Variants in RAPGEF6 observed in about 807,000 individuals in gnomAD.
RAPGEF6 encodes PDZ domain containing guanine nucleotide exchange factor (GEF) 2.
RAPGEF6 carries 56 observed loss-of-function variants against 171.4 expected under a neutral mutation model. The observed-to-expected ratio is 0.33, with a 90% CI of 0.26 to 0.41. The LOEUF (loss-of-function observed/expected upper bound fraction) is 0.41. Among genes scored for constraint, RAPGEF6 ranks in the 10% least tolerant of loss-of-function variants. The pLI, the probability that RAPGEF6 is intolerant of heterozygous loss-of-function variation, is 1.00. For missense variants in RAPGEF6, 1,674 were observed against 1,921.4 expected (o/e 0.87, Z 2.41); for synonymous variants, 692 against 650.1 (o/e 1.06, Z -0.98).
intron 3 of RAPGEF6, among the ~76,000 whole-genome samples, chr5:131,593,998 G>A (rs1230681728): frequency 2.0e-5 from 3 of 151,938 alleles, no homozygotes; most frequent in Non-Finnish European, 4.4e-5. Flanking sequence ...TGCACAAAAG[G>A]AGCCAAATGT....
intron 1 of RAPGEF6, among the ~76,000 whole-genome samples, chr5:131,608,488 G>C (rs2150020885): frequency 6.6e-6 from 1 of 152,220 alleles, no homozygotes; most frequent in East Asian, 1.9e-4. Context: ...AAGAGAAAAG[G>C]AAAAATCTCC....
intron 6 of RAPGEF6, among the ~76,000 whole-genome samples, chr5:131,527,706 GC>G (rs1184817577): frequency 6.6e-6 from 1 of 152,040 alleles, no homozygotes; most frequent in East Asian, 1.9e-4. Flanking sequence ...TTAAAAGTAA[GC>G]CACCAGAATT....
Position 131,498,484 on chromosome 5 carries a change from T to G in RAPGEF6, c.1378A>C (p.Lys460Gln). The G allele has an allele frequency of 3.7e-6, 6 of 1,613,796 alleles. No homozygotes were observed. The highest frequency in any genetic ancestry group is 5.1e-6 in the Non-Finnish European group (6 of 1,179,910). ...FLESPLDVGI[K>Q]LLEWFKIDSL... Reference sequence around the variant, plus strand: ...TCGATCTTAAACCATTCCAATAGTTTGATCCCAACATCCAAAGGACTTTCA... The same window carrying G: ...TCGATCTTAAACCATTCCAATAGTTGGATCCCAACATCCAAAGGACTTTCA... Residue 460 changes from lysine to glutamine, a missense_variant, in exon 12 of 28, where the codon AAA becomes CAA. By Grantham distance (53) the Lys-to-Gln change is moderately conservative (BLOSUM62 1). Around this residue, in one of 3 missense-constraint regions of RAPGEF6, gnomAD observed 1,116 missense variants for 1,321.5 expected, o/e 0.84. Coordinates refer to ENST00000509018, the MANE Select transcript of RAPGEF6 (RefSeq NM_016340.6).
At chr5:131,466,891 A>G (rs1367578291) in intron 17 of RAPGEF6, among the ~76,000 whole-genome samples, 1 of 152,174 alleles carries the variant, frequency 6.6e-6, no homozygotes, top group Non-Finnish European at 1.5e-5. Flanking sequence ...GGTTTCCACT[A>G]TCTTTTTAAG....
intron 4 of RAPGEF6, among the ~76,000 whole-genome samples, chr5:131,567,842 CTGTCAGTTTTTA>C (rs1762044233): frequency 6.6e-6 from 1 of 152,186 alleles, no homozygotes; most frequent in Non-Finnish European, 1.5e-5. Context: ...CCTTTCAATT[CTGTCAGTTTTTA>C]CTTCATATAT....
intron 4 of RAPGEF6, among the ~76,000 whole-genome samples, chr5:131,589,429 G>A (rs1763459011): frequency 6.6e-6 from 1 of 152,190 alleles, no homozygotes; most frequent in African/African-American, 2.4e-5. Context: ...TTGTTGTTGT[G>A]TGTCTCCTTA....
At chr5:131,531,324 AATAC>A (rs1259058651) in intron 6 of RAPGEF6, among the ~76,000 whole-genome samples, 1 of 152,222 alleles carries the variant, frequency 6.6e-6, no homozygotes, top group Non-Finnish European at 1.5e-5. Flanking sequence ...ACTGTTTTAT[AATAC>A]ATACATGAGA....
At chr5:131,578,115 ACT>A (rs1243292305) in intron 4 of RAPGEF6, among the ~76,000 whole-genome samples, 6 of 151,782 alleles carry the variant, frequency 4.0e-5, no homozygotes, top group Admixed American at 6.6e-5. Context: ...GCCACCCTTA[ACT>A]CTCTCTTGGA....
chr5:131,590,201 A>T (rs1763506137), intron 4 of RAPGEF6, among the ~76,000 whole-genome samples: 1 of 152,200 alleles, frequency 6.6e-6, no homozygotes, highest in South Asian at 2.1e-4. Context: ...GGAGCCTGAG[A>T]CCAGTCTAGC....
At chr5:131,589,365 A>C (rs1316202078) in intron 4 of RAPGEF6, among the ~76,000 whole-genome samples, 2 of 152,236 alleles carry the variant, frequency 1.3e-5, no homozygotes, top group Non-Finnish European at 2.9e-5. Flanking sequence ...TCTTTAGTTA[A>C]CAGAATATTC....
At chr5:131,437,413 G>A (rs911354775) in intron 24 of RAPGEF6, among the ~76,000 whole-genome samples, 2 of 152,090 alleles carry the variant, frequency 1.3e-5, no homozygotes, top group East Asian at 1.9e-4. Context: ...AGCTATAATG[G>A]GATGGACCAC....
chr5:131,509,236 A>T (rs930769129), intron 8 of RAPGEF6, among the ~76,000 whole-genome samples: 3 of 152,168 alleles, frequency 2.0e-5, no homozygotes, highest in African/African-American at 7.2e-5. Flanking sequence ...ACATAAAAAA[A>T]TTTATAATGT....
Position 131,634,957 on chromosome 5 carries a change from C to T in RAPGEF6, c.69+5G>A. The T allele has an allele frequency of 1.9e-6, 3 of 1,614,174 alleles. No individual in the cohort carries two copies. Among genetic ancestry groups the T allele is most frequent in the Non-Finnish European group, 1.7e-6 (2 of 1,179,988 alleles). ...GAGACGCACATAAAGGTCAACCAGC[C>T]TCACCTCGGGAGTCCGCTCGGGTGG... On this transcript the variant is annotated splice_donor_5th_base_variant and intron_variant, in intron 1 of 27. Transcript: ENST00000509018.
intron 4 of RAPGEF6, among the ~76,000 whole-genome samples, chr5:131,588,389 G>A (rs1170881904): frequency 6.6e-6 from 1 of 152,164 alleles, no homozygotes; most frequent in Non-Finnish European, 1.5e-5. Flanking sequence ...CTGGAACTTA[G>A]GCCATTCTCT....
chr5:131,559,763 C>A (rs1295419832), intron 5 of RAPGEF6, among the ~76,000 whole-genome samples: 2 of 150,906 alleles, frequency 1.3e-5, no homozygotes, highest in African/African-American at 4.9e-5. Flanking sequence ...TCACTTGAGC[C>A]CAGGAGTCCA....
intron 1 of RAPGEF6, among the ~76,000 whole-genome samples, chr5:131,631,335 C>T (rs1766294785): frequency 6.6e-6 from 1 of 152,174 alleles, no homozygotes; most frequent in African/African-American, 2.4e-5. Flanking sequence ...GCAGCTTTTC[C>T]CATCTCGCTG....
chr5:131,495,192 T>C (rs539797362), intron 13 of RAPGEF6, among the ~76,000 whole-genome samples: 2 of 151,106 alleles, frequency 1.3e-5, no homozygotes, highest in African/African-American at 4.9e-5. Context: ...ACTCAGGAGG[T>C]TGAGGTAGGA....
chr5:131,485,228 G>C (rs988285639), intron 15 of RAPGEF6, among the ~76,000 whole-genome samples: 4 of 152,138 alleles, frequency 2.6e-5, no homozygotes, highest in Admixed American at 6.5e-5. Context: ...TGCTTGGCTA[G>C]AAGTGGGATT....
intron 15 of RAPGEF6, among the ~76,000 whole-genome samples, chr5:131,481,813 C>G (rs1183287086): frequency 6.6e-6 from 1 of 152,200 alleles, no homozygotes; most frequent in Non-Finnish European, 1.5e-5. Flanking sequence ...GCTGCATGAG[C>G]TGTGGAAGCA....
Sources: allele counts gnomAD v4.1 joint callset (sites outside exome capture counted in the v4.1 genomes callset), GRCh38; gene constraint gnomAD v4.1.1; regional missense constraint gnomAD v4.1.1; transcripts MANE v1.5; gene names NCBI Gene and HGNC (gene_info 2026-07-23, HGNC 2026-07-21).